Variants in PIP5K1C observed in about 807,000 individuals in gnomAD.
PIP5K1C encodes the protein phosphatidylinositol 4-phosphate 5-kinase type-1 gamma.
In PIP5K1C, 45 loss-of-function variants were observed where a neutral mutation model predicts 80.1. The ratio of observed to expected loss-of-function variants is 0.56; its 90% CI spans 0.44 to 0.72. The LOEUF is 0.72. Among genes scored for constraint, PIP5K1C ranks in the 30% least tolerant of loss-of-function variants. PIP5K1C has a pLI of 0.00. For missense variants in PIP5K1C, 753 were observed against 954.6 expected (o/e 0.79, Z 2.78); for synonymous variants, 498 against 420.1 (o/e 1.19, Z -2.27).
At chr19:3,694,596 G>A (rs540025465) in intron 1 of PIP5K1C, among the ~76,000 whole-genome samples, 19 of 152,274 alleles carry the variant, frequency 1.2e-4, no homozygotes, top group African/African-American at 4.3e-4. Context: ...CGGGCTCGCC[G>A]CCCCACTCAG....
chr19:3,700,373 C>A lies in PIP5K1C; in HGVS notation c.18G>T (p.Pro6=). The change falls in exon 1 of 18, where the codon CCG becomes CCT. Residue 6 remains proline (P), a synonymous_variant. Transcript: ENST00000335312. The part of the protein sequence containing the change: MELEV[P]DEAESAEAGA... ...CCGCCTCAGCGCTCTCCGCCTCGTC[C>A]GGTACCTCCAGCTCCATGGCCGCGC... The A allele has an allele frequency of 7.9e-7, 1 of 1,268,138 alleles. No homozygotes were observed. The allele number at this position is 1,268,138 out of a possible 1,614,324, so 78.6% of individuals were successfully genotyped here. A position where few individuals can be genotyped will look rare whatever the true frequency, so the allele number is the denominator to read the frequency against.
chr19:3,666,931 T>C (rs1031942329), intron 2 of PIP5K1C, among the ~76,000 whole-genome samples: 57 of 152,318 alleles, frequency 3.7e-4, no homozygotes, highest in African/African-American at 1.4e-3. Context: ...CTGGGCAGCG[T>C]CTAACCCTCC....
chr19:3,671,979 C>T (rs2035221060), intron 1 of PIP5K1C, among the ~76,000 whole-genome samples: 1 of 152,204 alleles, frequency 6.6e-6, no homozygotes, highest in South Asian at 2.1e-4. Flanking sequence ...CGGGAGGTGG[C>T]CCCTCTGAGC....
rs1469904700 is a variant in PIP5K1C at position 3,638,974 on chromosome 19, T to C, written c.1830A>G (p.Val610=). ...SPAGASAAVE[V]ETASQASDEE... is the part of the protein sequence containing the mutation. ...CGTCTGAGGCCTGGCTGGCAGTTTC[T>C]ACTTCAACAGCAGCAGAGGCACCGG... is the stretch of plus-strand genomic sequence containing the variant. Residue 610 remains valine (V), a synonymous_variant, in exon 16 of 18, where the codon GTA becomes GTG. Transcript: ENST00000335312. The C allele has an allele frequency of 5.0e-6, 8 of 1,611,828 alleles. No individual in the cohort carries two copies. The Admixed American group carries it at 1.3e-4, about 27-fold the overall frequency.
chr19:3,637,681 C>A lies in PIP5K1C; in HGVS notation c.1920+1203G>T. 6.6e-7 allele frequency: 1 copy of A among 1,507,848 alleles called. No individual in the cohort carries two copies. The highest frequency in any genetic ancestry group is 2.5e-5 in the East Asian group (1 of 40,668). The allele number at this position is 1,507,848 out of a possible 1,614,324, so 93.4% of individuals were successfully genotyped here. A position where few individuals can be genotyped will look rare whatever the true frequency, so the allele number is the denominator to read the frequency against. On this transcript the variant is annotated intron_variant, in intron 16 of 17. Transcript: ENST00000335312. This position sits in a 1 kb window ranked among gnomAD's most constrained non-coding sequence, Gnocchi z 7.0. ...AGAGGACAGCGGATGAGGCGGCCACCCCCGTGGTCGGGTGGGAGAGGCGGA... is the reference window on the plus strand; with the variant it reads ...AGAGGACAGCGGATGAGGCGGCCACACCCGTGGTCGGGTGGGAGAGGCGGA...
intron 6 of PIP5K1C, among the ~76,000 whole-genome samples, chr19:3,655,281 G>A (rs1453300764): frequency 1.3e-5 from 2 of 151,842 alleles, no homozygotes; most frequent in African/African-American, 4.8e-5. Context: ...AGCCAGGCGT[G>A]GTGGCGGGCG....
intron 5 of PIP5K1C, 30 bp from the exon 6 acceptor site, chr19:3,656,587 C>T (rs781076603): frequency 3.0e-5 from 49 of 1,612,090 alleles, no homozygotes; most frequent in Non-Finnish European, 4.2e-5. Flanking sequence ...GTCAGCGGGC[C>T]CCAAGCTGCC....
chr19:3,655,107 C>A (rs1236145150), intron 6 of PIP5K1C, among the ~76,000 whole-genome samples: 85 of 45,870 alleles, frequency 1.9e-3, no homozygotes, highest in Admixed American at 2.6e-3. Context: ...GACTCCATCT[C>A]AAAAAAAAAA....
Position 3,678,111 on chromosome 19 carries a change from GGATGGAGA to G in PIP5K1C, c.95-10766_95-10759del, listed in dbSNP as rs1410270706. Among the ~76,000 whole-genome samples, 7 of 141,406 alleles carry G rather than the reference GGATGGAGA, an allele frequency of 5.0e-5. No individual in the cohort carries two copies. The East Asian group carries it at 9.1e-4, about 18-fold the overall frequency. The allele number at this position is 141,406 out of a possible 152,430, so 92.8% of individuals were successfully genotyped here. A position where few individuals can be genotyped will look rare whatever the true frequency, so the allele number is the denominator to read the frequency against. Reference sequence around the variant, plus strand: ...GATGGAGGAGGGAGGGAGAATGGAGGGATGGAGAGATGGAGGGATGGAGAGATGGCAGG... The same window carrying G: ...GATGGAGGAGGGAGGGAGAATGGAGGGATGGAGGGATGGAGAGATGGCAGG... On this transcript the variant is annotated intron_variant, in intron 1 of 17. Transcript: ENST00000335312.
At chr19:3,650,967 G>A (rs2034420228) in intron 8 of PIP5K1C, among the ~76,000 whole-genome samples, 1 of 151,816 alleles carries the variant, frequency 6.6e-6, no homozygotes, top group African/African-American at 2.4e-5. Flanking sequence ...TGTTGGCCAG[G>A]CTGGTCTGGA....
Position 3,700,348 on chromosome 19 carries a change from C to T in PIP5K1C, c.43G>A (p.Gly15Arg). 7.7e-7 allele frequency: 1 copy of T among 1,294,644 alleles called. No individual in the cohort carries two copies. 80.2% of individuals were successfully genotyped at this position (1,294,644 alleles called of 1,614,324 possible). A position where few individuals can be genotyped will look rare whatever the true frequency, so the allele number is the denominator to read the frequency against. The part of the protein sequence containing the change: ...VPDEAESAEA[G>R]AVPSEAAWAA... ...CACGCCGCCTCCGAGGGCACGGCCC[C>T]CGCCTCAGCGCTCTCCGCCTCGTCC... Residue 15 changes from glycine to arginine, a missense_variant, in exon 1 of 18, where the codon GGG (glycine) becomes AGG (arginine). Physicochemically the swap from Gly to Arg is moderately radical, Grantham distance 125. Transcript: ENST00000335312.
chr19:3,687,602 TACACGCACAC>T (rs1349770024), intron 1 of PIP5K1C, among the ~76,000 whole-genome samples: 7 of 150,802 alleles, frequency 4.6e-5, no homozygotes, highest in East Asian at 3.9e-4. Context: ...CACACATGCA[TACACGCACAC>T]ACACGCACAG....
Position 3,637,048 on chromosome 19 carries a change from G to C in PIP5K1C, c.1920+1836C>G. ...CCTCCATCTGTGAGGTGGGTGTGGA[G>C]AGACCATCTCCTCCCCGTCTCCATG... On this transcript the variant is annotated intron_variant, in intron 16 of 17. Coordinates refer to ENST00000335312, the MANE Select transcript of PIP5K1C (RefSeq NM_012398.3). This position sits in a 1 kb window ranked among gnomAD's most constrained non-coding sequence, Gnocchi z 7.0. 8.7e-7 allele frequency: 1 copy of C among 1,151,160 alleles called. No homozygotes were observed. The highest frequency in any genetic ancestry group is 2.2e-5 in the South Asian group (1 of 46,180). The allele number at this position is 1,151,160 out of a possible 1,614,324, so 71.3% of individuals were successfully genotyped here.
intron 1 of PIP5K1C, among the ~76,000 whole-genome samples, chr19:3,699,161 G>C (rs1489544636): frequency 6.6e-6 from 1 of 152,130 alleles, no homozygotes; most frequent in East Asian, 1.9e-4. Flanking sequence ...CCGGGCTGGG[G>C]CCTGGTGCCC....
chr19:3,658,084 C>G (rs759473969), intron 5 of PIP5K1C, among the ~76,000 whole-genome samples: 7 of 152,222 alleles, frequency 4.6e-5, no homozygotes, highest in Non-Finnish European at 5.9e-5. Context: ...GAGGTCACAT[C>G]AGGCCCAGGG....
intron 10 of PIP5K1C, among the ~76,000 whole-genome samples, chr19:3,646,852 C>T (rs186624470): frequency 4.0e-5 from 6 of 151,896 alleles, no homozygotes; most frequent in Non-Finnish European, 7.4e-5. Flanking sequence ...CGGTACTCTG[C>T]GTTTGTGGAG....
At chr19:3,643,979 G>T (rs958870724) in intron 12 of PIP5K1C, 108 bp downstream of exon 12, 9 of 1,336,740 alleles carry the variant, frequency 6.7e-6, no homozygotes, top group Admixed American at 3.7e-5. Context: ...AGATCCGGAG[G>T]GGGTGGCTGA....
chr19:3,666,718 TGCACACACGCACGCAGGCAAACATGC>T (rs1245568072), intron 2 of PIP5K1C, among the ~76,000 whole-genome samples: 1 of 144,262 alleles, frequency 6.9e-6, no homozygotes, highest in Non-Finnish European at 1.5e-5. Flanking sequence ...CAAAAATAGA[TGCACACACGCACGCAGGCAAACATGC>T]ACACACACAA....
intron 1 of PIP5K1C, among the ~76,000 whole-genome samples, chr19:3,671,169 A>G (rs1338488851): frequency 6.6e-6 from 1 of 152,132 alleles, no homozygotes; most frequent in African/African-American, 2.4e-5. Context: ...CTCCCTGCCC[A>G]CAGTCCTGAC....
Sources: allele counts gnomAD v4.1 joint callset (sites outside exome capture counted in the v4.1 genomes callset), GRCh38; gene constraint gnomAD v4.1.1; non-coding constraint Gnocchi (gnomAD v3.1); transcripts MANE v1.5; gene names NCBI Gene and HGNC (gene_info 2026-07-23, HGNC 2026-07-21).